RSPRY1: variants seen among roughly 807,000 people sequenced by gnomAD.
RSPRY1 encodes RING finger and SPRY domain-containing protein 1.
A neutral mutation model predicts 73.1 loss-of-function variants in RSPRY1; 23 were observed. The ratio of observed to expected loss-of-function variants is 0.31; its 90% confidence interval spans 0.23 to 0.45. The LOEUF (loss-of-function observed/expected upper bound fraction) is 0.45, where lower values mean the gene tolerates loss of function less well. Among genes scored for constraint, RSPRY1 ranks in the 20% least tolerant of loss-of-function variants. RSPRY1 has a pLI of 1.00. For synonymous variants in RSPRY1, 226 were observed against 251.4 expected, an observed-to-expected ratio of 0.90 and a Z score of 0.95; for missense variants, 448 against 698.7, an observed-to-expected ratio of 0.64 and a Z score of 4.05.
At position 57,213,196 on chromosome 16, in the gene RSPRY1, G is replaced by T. The variant is rs188502689; in HGVS notation, c.643+98G>T. 2,200 of 1,182,614 alleles carry T rather than the reference G, an allele frequency of 1.9e-3. 18 individuals are homozygous for T. Among genetic ancestry groups the T allele is most frequent in the South Asian group, 0.01 (561 of 54,144 alleles). The allele number at this position is 1,182,614 out of a possible 1,614,324, so 73.3% of individuals were successfully genotyped here. A position where few individuals can be genotyped will look rare whatever the true frequency, so the allele number is the denominator to read the frequency against. ...TTTGATCAAACTGCTATACCAGAAAGAAATCTCTTAAAAATGATATTGAGA... is the reference window on the plus strand; with the variant it reads ...TTTGATCAAACTGCTATACCAGAAATAAATCTCTTAAAAATGATATTGAGA... On this transcript the variant is annotated intron_variant, in intron 5 of 14. Transcript: ENST00000394420.
chr16:57,230,881 A>G, intron 12 of RSPRY1, 68 bp downstream of exon 12: 1 of 951,800 alleles, frequency 1.1e-6, no homozygotes, highest in Non-Finnish European at 1.6e-6. Flanking sequence ...AGGAAAAAAA[A>G]AGTCTTTGTC....
intron 4 of RSPRY1, among the ~76,000 whole-genome samples, chr16:57,211,321 A>T (rs1322030067): frequency 1.3e-5 from 2 of 151,824 alleles, no homozygotes; most frequent in Non-Finnish European, 2.9e-5. Flanking sequence ...TGTAATCCCA[A>T]CACTTTGGGA....
In RSPRY1 at chr16:57,231,246, C is replaced by T; in HGVS notation, c.1456C>T (p.Pro486Ser). ...TTTTGGAGCAAAACCATTCAAATAC[C>T]CACCATCTATGAAATTTAGCACTTT... is the stretch of plus-strand genomic sequence containing the variant. ...FNFGAKPFKYPPSMKFSTFND... is the reference protein window; with the variant it reads ...FNFGAKPFKYSPSMKFSTFND... The change falls in exon 13 of 15, where the codon CCA (proline) becomes TCA (serine). Residue 486 changes from proline (P) to serine (S), a missense_variant. Pro to Ser is a moderately conservative substitution (Grantham distance 74). Coordinates refer to ENST00000394420, the MANE Select transcript of RSPRY1 (RefSeq NM_133368.3). The T allele has an allele frequency of 1.2e-6, 2 of 1,613,602 alleles. No individual in the cohort carries two copies. The highest frequency in any genetic ancestry group is 1.7e-6 in the Non-Finnish European group (2 of 1,179,756).
intron 1 of RSPRY1, 36 bp from the exon 2 acceptor site, chr16:57,204,468 C>T: frequency 1.7e-6 from 1 of 571,640 alleles, no homozygotes; most frequent in Non-Finnish European, 3.1e-6. Flanking sequence ...GGTCAAGAAT[C>T]TTTTATTCAT....
At chr16:57,187,701 CGTT>C (rs1402279120) in intron 1 of RSPRY1, among the ~76,000 whole-genome samples, 2 of 152,150 alleles carry the variant, frequency 1.3e-5, no homozygotes, top group African/African-American at 2.4e-5. Context: ...TTAATACAGT[CGTT>C]GTCTGTCACC....
chr16:57,210,198 C>T (rs1351241187), intron 4 of RSPRY1, among the ~76,000 whole-genome samples: 1 of 151,922 alleles, frequency 6.6e-6, no homozygotes, highest in Non-Finnish European at 1.5e-5. Flanking sequence ...CTTGCCTCAG[C>T]TTCCCATGTT....
chr16:57,236,175 G>A (rs972107713), intron 14 of RSPRY1, among the ~76,000 whole-genome samples: 2 of 152,192 alleles, frequency 1.3e-5, no homozygotes, highest in African/African-American at 4.8e-5. Context: ...TTTAAAGGTT[G>A]GATATCTTCA....
intron 4 of RSPRY1, 120 bp downstream of exon 4, chr16:57,209,307 A>T: frequency 1.6e-6 from 1 of 640,298 alleles, no homozygotes; most frequent in African/African-American, 1.9e-5. Context: ...TGTTTTATTC[A>T]GTATTGATTT....
At chr16:57,193,426 G>A (rs2074384247) in intron 1 of RSPRY1, among the ~76,000 whole-genome samples, 4 of 151,656 alleles carry the variant, frequency 2.6e-5, no homozygotes, top group Admixed American at 2.6e-4. Flanking sequence ...TTGTTGACTT[G>A]AGATTTTCCC....
At chr16:57,227,161 A>G (rs1171173274) in intron 10 of RSPRY1, among the ~76,000 whole-genome samples, 181 bp from the exon 11 acceptor site, 2 of 152,212 alleles carry the variant, frequency 1.3e-5, no homozygotes, top group East Asian at 1.9e-4. Context: ...GTCATTATCT[A>G]TTCACTTGGA....
intron 1 of RSPRY1, among the ~76,000 whole-genome samples, chr16:57,198,644 A>T (rs1191087328): frequency 6.6e-6 from 1 of 152,064 alleles, no homozygotes; most frequent in Non-Finnish European, 1.5e-5. Flanking sequence ...GAGCAACAAG[A>T]TTCCTGTTCT....
rs184900122 is a variant in RSPRY1 at position 57,199,318 on chromosome 16, A to T, written c.-155-5186A>T. On this transcript the variant is annotated intron_variant, in intron 1 of 14. Coordinates refer to ENST00000394420, the MANE Select transcript of RSPRY1 (RefSeq NM_133368.3). Reference sequence around the variant, plus strand: ...GACCAGCCTGACCAACATGGTGAAGATCTGTCTCTACTAAAAATACAAAAT... The same window carrying T: ...GACCAGCCTGACCAACATGGTGAAGTTCTGTCTCTACTAAAAATACAAAAT... Among the ~76,000 whole-genome samples, 16 of 152,188 alleles carry T rather than the reference A, an allele frequency of 1.1e-4. No individual in the cohort carries two copies. In the East Asian group the frequency reaches 2.5e-3, roughly 24 times the overall value.
At chr16:57,228,895 A>T (rs1437880237) in intron 11 of RSPRY1, among the ~76,000 whole-genome samples, 1 of 152,134 alleles carries the variant, frequency 6.6e-6, no homozygotes, top group African/African-American at 2.4e-5. Context: ...GGATTTTGCC[A>T]TGTTGCCCTG....
intron 13 of RSPRY1, among the ~76,000 whole-genome samples, chr16:57,233,822 A>G: frequency 6.6e-6 from 1 of 152,034 alleles, no homozygotes. Flanking sequence ...CCAACTACTC[A>G]TCACCCTCAC....
chr16:57,209,110 A>G lies in RSPRY1; in HGVS notation c.439A>G (p.Arg147Gly), dbSNP rs1276143884. The G allele has an allele frequency of 1.2e-6, 2 of 1,613,152 alleles. No homozygotes were observed. The highest frequency in any genetic ancestry group is 1.7e-6 in the Non-Finnish European group (2 of 1,179,358). Residue 147 changes from arginine to glycine, a missense_variant, in exon 4 of 15, where the codon AGA (arginine) becomes GGA (glycine). By Grantham distance (125) the Arg-to-Gly change is moderately radical. Transcript: ENST00000394420. ...GTTGGATGTTGTCCAGTCTTTAATT[A>G]GAGTTATTCCACTGGAAGATCCACT... ...GWLDVVQSLI[R>G]VIPLEDPLGP...
At chr16:57,231,561 A>G (rs531957821) in intron 13 of RSPRY1, among the ~76,000 whole-genome samples, 1 of 152,330 alleles carries the variant, frequency 6.6e-6, no homozygotes, top group African/African-American at 2.4e-5. Context: ...TCTCTACCAA[A>G]TCTTTAGGTA....
chr16:57,201,292 C>G (rs1397037100), intron 1 of RSPRY1, among the ~76,000 whole-genome samples: 1 of 150,966 alleles, frequency 6.6e-6, no homozygotes, highest in Non-Finnish European at 1.5e-5. Context: ...GGGGCGGTTG[C>G]CAGGCAGAGG....
In RSPRY1 at chr16:57,238,798, AT is replaced by A. The variant is rs1567521041; in HGVS notation, c.1635-76del. 2.6e-5 allele frequency: 18 copies of A among 680,790 alleles called. No individual in the cohort carries two copies. The South Asian group carries it at 4.3e-4, about 16-fold the overall frequency. The allele number at this position is 680,790 out of a possible 1,614,324, so 42.2% of individuals were successfully genotyped here. On this transcript the variant is annotated intron_variant, in intron 14 of 14. Coordinates refer to ENST00000394420, the MANE Select transcript of RSPRY1 (RefSeq NM_133368.3). The stretch of plus-strand genomic sequence containing the variant: ...CCTTTCAATGAACAAACTTGTTAAC[AT>A]TTTTGATTTAGTTGGCAGGCAGTTG...
chr16:57,238,768 G>T, intron 14 of RSPRY1, 111 bp from the exon 15 acceptor site: 3 of 564,988 alleles, frequency 5.3e-6, no homozygotes, highest in East Asian at 3.0e-5. Flanking sequence ...TGTATAATTA[G>T]TAACCCTTTC....
Sources: gnomAD v4.1 joint callset for allele counts (sites outside exome capture counted in the v4.1 genomes callset) on GRCh38, gnomAD v4.1.1 for gene constraint, MANE v1.5 for transcripts, NCBI Gene and HGNC (gene_info 2026-07-23, HGNC 2026-07-21) for gene names.